ANKRD30A: variants seen among roughly 807,000 people sequenced by gnomAD.
The protein encoded by ANKRD30A is ankyrin repeat domain-containing protein 30A.
ANKRD30A carries 170 observed loss-of-function variants against 166.3 expected under a neutral mutation model. The observed-to-expected ratio is 1.02, with a 90% CI of 0.90 to 1.16. ANKRD30A has a LOEUF of 1.16. Ranked by LOEUF, ANKRD30A falls within the 50% of genes most tolerant of loss-of-function variation. The probability of loss-of-function intolerance (pLI) is 0.00; values close to 1 mark genes in which losing one functional copy is unlikely to be tolerated. For synonymous variants in ANKRD30A, 564 were observed against 508.9 expected, an observed-to-expected ratio of 1.11 and a Z score of -1.46; for missense variants, 1,630 against 1,518.0, an observed-to-expected ratio of 1.07 and a Z score of -1.23.
chr10:37,219,347 T>G lies in ANKRD30A; in HGVS notation c.3635T>G (p.Ile1212Ser), dbSNP rs1372889334. The change falls in exon 34 of 36, where the codon ATT (isoleucine) becomes AGT (serine). Residue 1212 changes from isoleucine to serine, a missense_variant. By Grantham distance (142) the Ile-to-Ser change is moderately radical. Around this residue, in one of 4 missense-constraint regions of ANKRD30A, gnomAD observed 712 missense variants for 629.3 expected, o/e 1.13. Transcript: ENST00000361713. Reference protein sequence around the residue: ...LASAVQDHDQIVTSRKSQEPA... With the variant: ...LASAVQDHDQSVTSRKSQEPA... ...TCTGCTGTACAAGACCATGATCAAA[T>G]TGTGACATCAAGAAAAAGTCAAGAA... 4 of 1,610,268 alleles carry G rather than the reference T, an allele frequency of 2.5e-6. No homozygotes were observed. The highest frequency in any genetic ancestry group is 3.4e-6 in the Non-Finnish European group (4 of 1,177,576).
intron 34 of ANKRD30A, among the ~76,000 whole-genome samples, chr10:37,220,522 A>G (rs533617411): frequency 6.6e-6 from 1 of 151,338 alleles, no homozygotes; most frequent in Non-Finnish European, 1.5e-5. Flanking sequence ...ATGTATTGTT[A>G]TAACCTCAAT....
chr10:37,250,006 GTTT>G, the ANKRD30A span, among the ~76,000 whole-genome samples: 1 of 152,040 alleles, frequency 6.6e-6, no homozygotes, highest in Admixed American at 6.5e-5. Flanking sequence ...GAGGGAGTGT[GTTT>G]TGAGAGGAGT....
At position 37,177,830 on chromosome 10, in the gene ANKRD30A, G is replaced by GT. The variant is rs1839850287; in HGVS notation, c.2421+1613dup. 9.7e-6 allele frequency: 12 copies of GT among 1,231,398 alleles called. No individual in the cohort carries two copies. In the South Asian group the frequency reaches 1.4e-4, roughly 15 times the overall value. The allele number at this position is 1,231,398 out of a possible 1,614,324, so 76.3% of individuals were successfully genotyped here. On this transcript the variant is annotated intron_variant, in intron 24 of 35. Coordinates refer to ENST00000361713, the MANE Select transcript of ANKRD30A (RefSeq NM_052997.3). ...AATTGATGAGGAAGGATATCCTCTA[G>GT]TAGCTGAAGAAAATTACCTCCTAAA...
intron 31 of ANKRD30A, among the ~76,000 whole-genome samples, chr10:37,204,104 C>A (rs1479861990): frequency 6.6e-6 from 1 of 152,138 alleles, no homozygotes; most frequent in Non-Finnish European, 1.5e-5. Context: ...CATTAAGCTA[C>A]CAATGACTTT....
chr10:37,146,973 C>A (rs555393691), intron 8 of ANKRD30A, among the ~76,000 whole-genome samples: 1 of 134,410 alleles, frequency 7.4e-6, no homozygotes, highest in African/African-American at 2.7e-5. Context: ...ATATTTTTTC[C>A]ACCAGTCTGA....
In ANKRD30A at chr10:37,193,174, A is replaced by C. The variant is rs1300854314; in HGVS notation, c.2542-12A>C. The C allele has an allele frequency of 6.2e-7, 1 of 1,611,702 alleles. No homozygotes were observed. Among genetic ancestry groups the C allele is most frequent in the Non-Finnish European group, 8.5e-7 (1 of 1,179,186 alleles). ...ATTGTATATTAATTGTTTTGTTTCT[A>C]AACCCATTTAGGCTCCCTGCAGAAT... On this transcript the variant is annotated splice_polypyrimidine_tract_variant and intron_variant, in intron 26 of 35. Coordinates refer to ENST00000361713, the MANE Select transcript of ANKRD30A (RefSeq NM_052997.3).
Position 37,193,200 on chromosome 10 carries a change from G to A in ANKRD30A, c.2556G>A (p.Met852Ile). The change falls in exon 27 of 36, where the codon ATG becomes ATA. Residue 852 changes from methionine (M) to isoleucine (I), a missense_variant. Physicochemically the swap from Met to Ile is conservative, Grantham distance 10. Around this residue, in one of 4 missense-constraint regions of ANKRD30A, gnomAD observed 712 missense variants for 629.3 expected, o/e 1.13. Transcript: ENST00000361713. ...AACCCATTTAGGCTCCCTGCAGAAT[G>A]AAAGTTTCTATTCCAACTAAAGCCT... is the stretch of plus-strand genomic sequence containing the variant. ...NDGFLKAPCR[M>I]KVSIPTKALE... 4 of 1,611,944 alleles carry A rather than the reference G, an allele frequency of 2.5e-6. No individual in the cohort carries two copies. Among genetic ancestry groups the A allele is most frequent in the Non-Finnish European group, 3.4e-6 (4 of 1,179,316 alleles).
chr10:37,152,175 A>G (rs541948867), intron 12 of ANKRD30A, 54 bp downstream of exon 12: 3 of 1,421,976 alleles, frequency 2.1e-6, no homozygotes, highest in Non-Finnish European at 2.9e-6. Context: ...ATATGAAAAC[A>G]TAAAGGCAGA....
intron 12 of ANKRD30A, among the ~76,000 whole-genome samples, chr10:37,152,630 A>G (rs1838038790): frequency 3.3e-5 from 5 of 152,172 alleles, no homozygotes. Flanking sequence ...AAAGAAAAGC[A>G]TGAGGAATAG....
rs1588907236 is a variant in ANKRD30A, at chr10:37,199,518, T to G, written c.2717-209T>G. Among the ~76,000 whole-genome samples the G allele has an allele frequency of 2.6e-5, 4 of 152,078 alleles. No homozygotes were observed. In the East Asian group the frequency reaches 7.7e-4, roughly 29 times the overall value. On this transcript the variant is annotated intron_variant, in intron 29 of 35. Coordinates refer to ENST00000361713, the MANE Select transcript of ANKRD30A (RefSeq NM_052997.3). ...TAGTCAAATTTATATTTTTGTGCAT[T>G]CTAATGAAATAATGTTAATTTTCAG...
At chr10:37,256,780 G>T in the ANKRD30A span, among the ~76,000 whole-genome samples, 1 of 152,158 alleles carries the variant, frequency 6.6e-6, no homozygotes, top group African/African-American at 2.4e-5. Context: ...TGGATGTGCT[G>T]TTGGATTCAT....
chr10:37,248,008 C>A, the ANKRD30A span: 2 of 349,664 alleles, frequency 5.7e-6, no homozygotes, highest in East Asian at 6.4e-5. Flanking sequence ...CTCATGTACC[C>A]CTCAACTTAA....
chr10:37,125,662 C>G lies in ANKRD30A; in HGVS notation c.-126C>G. 2.5e-6 allele frequency: 1 copy of G among 401,210 alleles called. No homozygotes were observed. Among genetic ancestry groups the G allele is most frequent in the South Asian group, 2.9e-5 (1 of 34,178 alleles). The allele number at this position is 401,210 out of a possible 1,614,324, so 24.9% of individuals were successfully genotyped here. A position where few individuals can be genotyped will look rare whatever the true frequency, so the allele number is the denominator to read the frequency against. ...GTGCAAGAGCTTGGCGAACACAGAA[C>G]TTTTTACGGGTATCGAGGCGGTGCG... On this transcript the variant is annotated 5_prime_UTR_variant, in exon 1 of 36. Transcript: ENST00000361713.
chr10:37,137,051 C>T (rs1276372537), intron 6 of ANKRD30A, among the ~76,000 whole-genome samples: 1 of 151,830 alleles, frequency 6.6e-6, no homozygotes, highest in African/African-American at 2.4e-5. Context: ...ACAACTTAGG[C>T]TTGTTATAAA....
intron 5 of ANKRD30A, 135 bp downstream of exon 5, chr10:37,134,188 G>T: frequency 9.4e-7 from 1 of 1,061,250 alleles, no homozygotes; most frequent in Non-Finnish European, 1.4e-6. Flanking sequence ...TTGGGTCCAG[G>T]ATTCTTTATT....
chr10:37,160,606 C>T (rs904127294), intron 15 of ANKRD30A, among the ~76,000 whole-genome samples: 35 of 151,960 alleles, frequency 2.3e-4, no homozygotes, highest in African/African-American at 7.7e-4. Flanking sequence ...TTTTCTCTTT[C>T]TCTTTTTTTT....
At position 37,161,379 on chromosome 10, in the gene ANKRD30A, G is replaced by A. The variant is rs185516385; in HGVS notation, c.1901-1270G>A. ...CTATCACTAAACAAAGAGAAAGGAAGTGTTGAACAAATAAATTTGAAACAG... is the reference window on the plus strand; with the variant it reads ...CTATCACTAAACAAAGAGAAAGGAAATGTTGAACAAATAAATTTGAAACAG... On this transcript the variant is annotated intron_variant, in intron 15 of 35. Coordinates refer to ENST00000361713, the MANE Select transcript of ANKRD30A (RefSeq NM_052997.3). Among the ~76,000 whole-genome samples, 379 of 152,256 alleles carry A rather than the reference G, an allele frequency of 2.5e-3. 1 individual carries two copies. In the Middle Eastern group the frequency reaches 0.027, roughly 11 times the overall value.
At chr10:37,163,964 G>C (rs1430603948) in intron 17 of ANKRD30A, among the ~76,000 whole-genome samples, 2 of 128,436 alleles carry the variant, frequency 1.6e-5, no homozygotes, top group South Asian at 4.4e-4. Flanking sequence ...GCTTCTTAGA[G>C]CTATGGTGTG....
At chr10:37,229,382 GT>G (rs1304103100) in intron 34 of ANKRD30A, among the ~76,000 whole-genome samples, 3 of 151,816 alleles carry the variant, frequency 2.0e-5, no homozygotes, top group African/African-American at 4.8e-5. Context: ...GTACATACAC[GT>G]TTATGGGATG....
Sources: allele counts gnomAD v4.1 joint callset (sites outside exome capture counted in the v4.1 genomes callset), GRCh38; gene constraint gnomAD v4.1.1; regional missense constraint gnomAD v4.1.1; transcripts MANE v1.5; gene names NCBI Gene and HGNC (gene_info 2026-07-23, HGNC 2026-07-21).